The following ABAT variants were observed in gnomAD, a reference collection of about 807,000 sequenced individuals.
The protein encoded by ABAT is 4-aminobutyrate aminotransferase, mitochondrial.
ABAT carries 45 observed loss-of-function variants against 64.6 expected under a neutral mutation model. The observed-to-expected ratio is 0.70, with a 90% confidence interval of 0.55 to 0.89. The LOEUF is 0.89. ABAT is among the 40% of genes least tolerant of loss of function. The pLI, the probability that ABAT is intolerant of heterozygous loss-of-function variation, is 0.00. For missense variants in ABAT, 633 were observed against 658.4 expected, an observed-to-expected ratio of 0.96 and a Z score of 0.42; for synonymous variants, 297 against 250.5, an observed-to-expected ratio of 1.19 and a Z score of -1.75.
intron 2 of ABAT, 83 bp downstream of exon 2, chr16:8,735,892 T>G: frequency 7.8e-7 from 1 of 1,287,304 alleles, no homozygotes. Context: ...GAAGAGCCCT[T>G]GGGGATAAAG....
chr16:8,774,583 C>G (rs1253185813), intron 12 of ABAT, among the ~76,000 whole-genome samples: 1 of 152,058 alleles, frequency 6.6e-6, no homozygotes, highest in Admixed American at 6.6e-5. Context: ...GGTCGAGACC[C>G]GAGACTGAAG....
At chr16:8,725,181 G>T (rs1403900947) in intron 1 of ABAT, among the ~76,000 whole-genome samples, 2 of 152,172 alleles carry the variant, frequency 1.3e-5, no homozygotes, top group African/African-American at 2.4e-5. Flanking sequence ...CTCCCAAAGT[G>T]CTACGATTAT....
intron 2 of ABAT, chr16:8,738,383 A>C: frequency 2.2e-6 from 1 of 455,624 alleles, no homozygotes; most frequent in Non-Finnish European, 4.4e-6. Flanking sequence ...CCATTAACCA[A>C]ACTCCAGACT....
At chr16:8,731,480 C>G (rs901683231) in intron 1 of ABAT, 4 of 152,184 alleles carry the variant, frequency 2.6e-5, no homozygotes, top group Admixed American at 1.3e-4. Context: ...CTCAGGGATA[C>G]AATGACTGCT....
At chr16:8,724,142 C>G (rs2058466127) in intron 1 of ABAT, among the ~76,000 whole-genome samples, 1 of 151,796 alleles carries the variant, frequency 6.6e-6, no homozygotes, top group African/African-American at 2.4e-5. Flanking sequence ...CGCCCAGCCC[C>G]AAGCTTTATA....
At chr16:8,756,838 C>T (rs149730816) in intron 5 of ABAT, among the ~76,000 whole-genome samples, 127 of 152,310 alleles carry the variant, frequency 8.3e-4, no homozygotes, top group African/African-American at 2.9e-3. Flanking sequence ...GATCTTTATA[C>T]ACACTGGTAG....
chr16:8,777,172 A>T (rs916228035), intron 14 of ABAT, among the ~76,000 whole-genome samples: 2 of 151,986 alleles, frequency 1.3e-5, no homozygotes, highest in Non-Finnish European at 2.9e-5. Flanking sequence ...AAGTGCTGGG[A>T]TTTCACGAGC....
At chr16:8,710,727 A>AGAGAGAGAGGGAGAGGGAGG (rs146344975) in intron 1 of ABAT, among the ~76,000 whole-genome samples, 4,800 of 102,614 alleles carry the variant, frequency 0.047, 695 homozygotes, top group East Asian at 0.11. Flanking sequence ...AGAGAGAGAG[A>AGAGAGAGAGGGAGAGGGAGG]GAGGAAATAG....
At chr16:8,750,561 C>T (rs1332057571) in intron 5 of ABAT, 22 bp downstream of exon 5, 1 of 1,600,254 alleles carries the variant, frequency 6.2e-7, no homozygotes, top group Admixed American at 1.7e-5. Flanking sequence ...GAAATCATTC[C>T]TTGGATATAA....
At chr16:8,728,883 A>G (rs377402069) in intron 1 of ABAT, among the ~76,000 whole-genome samples, 2 of 152,090 alleles carry the variant, frequency 1.3e-5, no homozygotes, top group Non-Finnish European at 2.9e-5. Context: ...AAAAACAAAG[A>G]GTTTGGTTTC....
intron 11 of ABAT, 123 bp downstream of exon 11, chr16:8,769,096 G>C (rs2060028002): frequency 7.2e-7 from 1 of 1,382,992 alleles, no homozygotes; most frequent in Non-Finnish European, 1.0e-6. Context: ...TGCTCCCCCA[G>C]AGGGAAGCAG....
chr16:8,780,763 T>TAAA (rs60149541), intron 15 of ABAT: 6 of 137,506 alleles, frequency 4.4e-5, no homozygotes, highest in East Asian at 2.0e-4. Context: ...ACTCCATCTC[T>TAAA]AAAAAAAAAA....
At chr16:8,757,604 G>C (rs543893299) in intron 5 of ABAT, among the ~76,000 whole-genome samples, 153 bp from the exon 6 acceptor site, 1 of 152,118 alleles carries the variant, frequency 6.6e-6, no homozygotes, top group South Asian at 2.1e-4. Context: ...TGGGGCCCCA[G>C]GAATCTCTTT....
chr16:8,777,713 C>T (rs146099432), intron 14 of ABAT, among the ~76,000 whole-genome samples: 2 of 152,162 alleles, frequency 1.3e-5, no homozygotes, highest in Non-Finnish European at 2.9e-5. Context: ...CAGCAATTGA[C>T]AAGTGCAAGG....
At chr16:8,746,695 G>C (rs2059340653) in intron 3 of ABAT, among the ~76,000 whole-genome samples, 1 of 151,204 alleles carries the variant, frequency 6.6e-6, no homozygotes, top group Non-Finnish European at 1.5e-5. Flanking sequence ...CTGGGCAGCA[G>C]AGCAAGACTC....
chr16:8,776,289 C>G lies in ABAT; in HGVS notation c.1123-55C>G, dbSNP rs1378213222. On this transcript the variant is annotated intron_variant, in intron 13 of 15. Coordinates refer to ENST00000268251, the MANE Select transcript of ABAT (RefSeq NM_020686.6). The surrounding 1 kb of genome is among the most constrained non-coding windows in gnomAD (Gnocchi z 4.4). ...GAGGCGGGGCGCCTGGGGTAAGTGA[C>G]TCCTGCAGGGTGTGCATGTGTGTGA... 6.2e-7 allele frequency: 1 copy of G among 1,613,126 alleles called. No individual in the cohort carries two copies. Among genetic ancestry groups the G allele is most frequent in the Non-Finnish European group, 8.5e-7 (1 of 1,179,816 alleles).
Position 8,740,409 on chromosome 16 carries a change from C to T in ABAT, c.70+4600C>T, listed in dbSNP as rs371416490. On this transcript the variant is annotated intron_variant, in intron 2 of 15. Coordinates refer to ENST00000268251, the MANE Select transcript of ABAT (RefSeq NM_020686.6). ...ATGATGGCTCAACTTGGCGGTTGGA[C>T]GATCTACTGGCAGTCCCACTTACGG... Among the ~76,000 whole-genome samples the T allele has an allele frequency of 1.4e-4, 22 of 152,262 alleles. No homozygotes were observed. In the East Asian group the frequency reaches 2.3e-3, roughly 16 times the overall value.
intron 1 of ABAT, among the ~76,000 whole-genome samples, chr16:8,726,265 T>TTTTTTC (rs2058551052): frequency 6.9e-6 from 1 of 144,616 alleles, no homozygotes; most frequent in African/African-American, 2.5e-5. Flanking sequence ...ACTAGATCTT[T>TTTTTTC]TTTTTTTTTT....
At chr16:8,719,050 G>C (rs2058291629) in intron 1 of ABAT, among the ~76,000 whole-genome samples, 1 of 152,194 alleles carries the variant, frequency 6.6e-6, no homozygotes, top group African/African-American at 2.4e-5. Context: ...TGAACGGGAA[G>C]TGCGTTTCCT....
Sources: gnomAD v4.1 joint callset for allele counts (sites outside exome capture counted in the v4.1 genomes callset) on GRCh38, gnomAD v4.1.1 for gene constraint, Gnocchi (gnomAD v3.1) non-coding constraint, MANE v1.5 for transcripts, NCBI Gene and HGNC (gene_info 2026-07-23, HGNC 2026-07-21) for gene names.